Variants in DPH5 observed in about 807,000 individuals in gnomAD.
DPH5 encodes diphthamide biosynthesis 5.
Under a neutral mutation model 31.6 loss-of-function variants are expected in DPH5, and 31 were observed. The observed-to-expected ratio is 0.98, with a 90% CI of 0.74 to 1.32. The LOEUF is 1.32. DPH5 is among the 40% of genes most tolerant of loss of function. The pLI, the probability that DPH5 is intolerant of heterozygous loss-of-function variation, is 0.00. For synonymous variants in DPH5, 120 were observed against 115.0 expected, an observed-to-expected ratio of 1.04 and a Z score of -0.28; for missense variants, 309 against 335.7, an observed-to-expected ratio of 0.92 and a Z score of 0.62.
In DPH5 at chr1:101,021,783, A is replaced by C; in HGVS notation, c.136-18T>G. 1 of 1,604,554 alleles carries C rather than the reference A, an allele frequency of 6.2e-7. No individual in the cohort carries two copies. Among genetic ancestry groups the C allele is most frequent in the Non-Finnish European group, 8.5e-7 (1 of 1,174,676 alleles). On this transcript the variant is annotated intron_variant, in intron 2 of 7. Transcript: ENST00000370109. ...AACTCTTCCTACAGATATAAGTCCA[A>C]TATCAAGATAAAGAGACAGCAGGTG...
intron 5 of DPH5, among the ~76,000 whole-genome samples, chr1:100,998,402 A>G (rs1658556907): frequency 6.6e-6 from 1 of 151,852 alleles, no homozygotes; most frequent in Non-Finnish European, 1.5e-5. Context: ...TCCCAGCCTC[A>G]GGAGGCTGAG....
chr1:101,011,517 ACTG>A (rs1486419155), intron 4 of DPH5: 1 of 152,410 alleles, frequency 6.6e-6, no homozygotes, highest in East Asian at 1.9e-4. Flanking sequence ...TTACATAAAG[ACTG>A]CTAATTCTCA....
chr1:100,997,575 C>A (rs1324972954), intron 5 of DPH5, among the ~76,000 whole-genome samples: 1 of 152,142 alleles, frequency 6.6e-6, no homozygotes, highest in Non-Finnish European at 1.5e-5. Flanking sequence ...CCGTGTTAGT[C>A]AAGATGGTCT....
intron 4 of DPH5, among the ~76,000 whole-genome samples, chr1:101,004,087 T>C (rs1034887873): frequency 1.3e-5 from 2 of 152,192 alleles, no homozygotes; most frequent in Non-Finnish European, 2.9e-5. Flanking sequence ...GCATTTTGTG[T>C]AGCAGTGTCT....
chr1:101,012,946 T>C (rs1378215504), intron 4 of DPH5, among the ~76,000 whole-genome samples: 1 of 152,192 alleles, frequency 6.6e-6, no homozygotes, highest in Non-Finnish European at 1.5e-5. Flanking sequence ...AATTATGTGT[T>C]TCAGGAAGAC....
Position 101,025,336 on chromosome 1 carries a change from TG to T in DPH5, c.107del (p.Ser36Ter), listed in dbSNP as rs1305923647. On this transcript the variant is annotated frameshift_variant, in exon 2 of 8. Transcript: ENST00000370109. LOFTEE classifies it high-confidence loss of function. ...AGGCTTCCTTCCCTACAGTTAGGACTGAGGTGTAGGCTTCCAGATACACTCG... is the reference window on the plus strand; with the variant it reads ...AGGCTTCCTTCCCTACAGTTAGGACTAGGTGTAGGCTTCCAGATACACTCG... ...CSRVYLEAYT[S>X]VLTVGKEALE... 2 of 1,614,250 alleles carry T rather than the reference TG, an allele frequency of 1.2e-6. No homozygotes were observed. Among genetic ancestry groups the T allele is most frequent in the Non-Finnish European group, 1.7e-6 (2 of 1,180,046 alleles).
rs575210156 is a variant in DPH5, at chr1:100,995,250, C to T, written c.491-101G>A. ...GAGTCACCTAAATTTTGGGGAAACA[C>T]TCTTCCCTCACATTTTAATTAGCCA... is the stretch of plus-strand genomic sequence containing the variant. On this transcript the variant is annotated intron_variant, in intron 5 of 7. Coordinates refer to ENST00000370109, the MANE Select transcript of DPH5 (RefSeq NM_015958.3). 8.9e-6 allele frequency: 6 copies of T among 672,704 alleles called. No homozygotes were observed. In the South Asian group the frequency reaches 1.1e-4, roughly 12 times the overall value. 41.7% of individuals were successfully genotyped at this position (672,704 alleles called of 1,614,324 possible). A position where few individuals can be genotyped will look rare whatever the true frequency, so the allele number is the denominator to read the frequency against.
Position 100,990,508 on chromosome 1 carries a change from A to G in DPH5, c.758T>C (p.Ile253Thr). 2 of 1,614,168 alleles carry G rather than the reference A, an allele frequency of 1.2e-6. No homozygotes were observed. The highest frequency in any genetic ancestry group is 1.1e-5 in the South Asian group (1 of 91,084). The stretch of plus-strand genomic sequence containing the variant: ...TGGATGTATGCTGCCTCCTGTGATG[A>G]TCAAGGAATGCAATGGTTCTCCCAA... ...VDLGEPLHSLIITGGSIHPME... is the reference protein window; with the variant it reads ...VDLGEPLHSLTITGGSIHPME... The change falls in exon 8 of 8, where the codon ATC (isoleucine) becomes ACC (threonine). Residue 253 changes from isoleucine to threonine, a missense_variant. By Grantham distance (89) the Ile-to-Thr change is moderately conservative. Transcript: ENST00000370109.
intron 4 of DPH5, 148 bp from the exon 5 acceptor site, chr1:101,001,735 CAGG>C: frequency 3.1e-6 from 2 of 637,532 alleles, no homozygotes; most frequent in Non-Finnish European, 5.3e-6. Flanking sequence ...AAAAAGGTAA[CAGG>C]AACTTCTCTT....
At chr1:100,993,654 A>G (rs1658048235) in intron 6 of DPH5, among the ~76,000 whole-genome samples, 2 of 144,832 alleles carry the variant, frequency 1.4e-5, no homozygotes, top group Admixed American at 1.4e-4. Context: ...TCTCAAAAAA[A>G]TTCTGTCAGT....
chr1:100,994,157 G>A (rs948100206), intron 6 of DPH5, among the ~76,000 whole-genome samples: 2 of 152,080 alleles, frequency 1.3e-5, no homozygotes, highest in African/African-American at 4.8e-5. Context: ...AATCTGATAT[G>A]TTCTTACAGC....
chr1:101,005,925 G>C (rs1000771063), intron 4 of DPH5, among the ~76,000 whole-genome samples: 1 of 151,254 alleles, frequency 6.6e-6, no homozygotes, highest in Admixed American at 6.6e-5. Flanking sequence ...GGGGAGGTGA[G>C]GGGGGGAGCA....
Position 100,992,758 on chromosome 1 carries a change from G to C in DPH5, c.531-18C>G. 1 of 1,560,768 alleles carries C rather than the reference G, an allele frequency of 6.4e-7. No homozygotes were observed. Among genetic ancestry groups the C allele is most frequent in the South Asian group, 1.1e-5 (1 of 89,508 alleles). Reference sequence around the variant, plus strand: ...TCCTTCCCCTATAGGCAGAAAACTAGATGCCACTGTTCTTAGCCATGAAAC... The same window carrying C: ...TCCTTCCCCTATAGGCAGAAAACTACATGCCACTGTTCTTAGCCATGAAAC... On this transcript the variant is annotated intron_variant, in intron 6 of 7. Transcript: ENST00000370109.
intron 5 of DPH5, among the ~76,000 whole-genome samples, chr1:100,996,764 T>G (rs979900606): frequency 4.6e-5 from 7 of 152,238 alleles, no homozygotes; most frequent in Non-Finnish European, 5.9e-5. Context: ...AATGCTATCT[T>G]TTATTAACCT....
chr1:101,019,963 GAAATAGGGGAAGAA>G (rs1402152758), intron 3 of DPH5, among the ~76,000 whole-genome samples: 1 of 152,132 alleles, frequency 6.6e-6, no homozygotes, highest in Admixed American at 6.5e-5. Context: ...CTTGAGCAAA[GAAATAGGGGAAGAA>G]TATTACAAAA....
intron 4 of DPH5, among the ~76,000 whole-genome samples, chr1:101,005,657 A>G (rs1659173872): frequency 6.6e-6 from 1 of 152,160 alleles, no homozygotes; most frequent in South Asian, 2.1e-4. Context: ...ACAAGATCGA[A>G]CTCCAGGGTG....
In DPH5 at chr1:101,020,513, A is replaced by C. The variant is rs565621429; in HGVS notation, c.260+1128T>G. 1.2e-3 allele frequency among the ~76,000 whole-genome samples: 176 copies of C among 151,544 alleles called. 1 individual carries two copies. The highest frequency in any genetic ancestry group is 4.1e-3 in the African/African-American group (171 of 41,250). On this transcript the variant is annotated intron_variant, in intron 3 of 7. Coordinates refer to ENST00000370109, the MANE Select transcript of DPH5 (RefSeq NM_015958.3). ...CCTCTTTTCCCACTCTTCTCTCCTAAGCTGATTCTATCCATTCCTCCAGCT... is the reference window on the plus strand; with the variant it reads ...CCTCTTTTCCCACTCTTCTCTCCTACGCTGATTCTATCCATTCCTCCAGCT...
At chr1:101,014,882 C>T (rs938894594) in intron 3 of DPH5, among the ~76,000 whole-genome samples, 4 of 152,176 alleles carry the variant, frequency 2.6e-5, no homozygotes, top group Non-Finnish European at 5.9e-5. Flanking sequence ...CTTTCTTTGC[C>T]TGTCCATAAG....
chr1:101,005,266 G>GC (rs1659149892), intron 4 of DPH5, among the ~76,000 whole-genome samples: 1 of 152,184 alleles, frequency 6.6e-6, no homozygotes, highest in Non-Finnish European at 1.5e-5. Context: ...ATTAAGCCCT[G>GC]CAAGTATCAT....
Sources: gnomAD v4.1 joint callset for allele counts (sites outside exome capture counted in the v4.1 genomes callset) on GRCh38, gnomAD v4.1.1 for gene constraint, MANE v1.5 for transcripts, NCBI Gene and HGNC (gene_info 2026-07-23, HGNC 2026-07-21) for gene names.